BCL7C: variants seen among roughly 807,000 people sequenced by gnomAD.
BCL7C encodes the protein B-cell CLL/lymphoma 7 protein family member C.
A neutral mutation model predicts 26.2 loss-of-function variants in BCL7C; 8 were observed. The ratio of observed to expected loss-of-function variants is 0.30; its 90% CI spans 0.18 to 0.55. The LOEUF (loss-of-function observed/expected upper bound fraction) is 0.55. Ranked by LOEUF, BCL7C falls within the 20% of genes least tolerant of loss-of-function variation. The probability of loss-of-function intolerance (pLI) is 0.93; values close to 1 mark genes in which losing one functional copy is unlikely to be tolerated. For synonymous variants in BCL7C, 90 were observed against 116.5 expected (o/e 0.77, Z 1.47); for missense variants, 262 against 298.5 (o/e 0.88, Z 0.90).
chr16:30,841,850 G>T (rs1342154177), intron 5 of BCL7C, among the ~76,000 whole-genome samples: 2 of 151,478 alleles, frequency 1.3e-5, no homozygotes, highest in African/African-American at 4.9e-5. Flanking sequence ...AGCCACTCGG[G>T]AGGCTGAGGC....
At chr16:30,838,643 A>G (rs1405015298) in intron 5 of BCL7C, among the ~76,000 whole-genome samples, 1 of 152,134 alleles carries the variant, frequency 6.6e-6, no homozygotes, top group Non-Finnish European at 1.5e-5. Context: ...AAAAATTAGC[A>G]GGGATTGGTG....
chr16:30,850,222 A>G (rs1049596068), intron 5 of BCL7C, among the ~76,000 whole-genome samples: 18 of 151,848 alleles, frequency 1.2e-4, no homozygotes, highest in Non-Finnish European at 2.4e-4. Context: ...AAAAAAAAAA[A>G]AAAAAGAAAA....
At chr16:30,885,897 A>C (rs774905811), downstream of BCL7C, among the ~76,000 whole-genome samples, 9 of 152,084 alleles carry the variant, frequency 5.9e-5, no homozygotes, top group Non-Finnish European at 1.2e-4. Context: ...TGTTGCCCAG[A>C]TTTGAGCACA....
At chr16:30,886,993 C>G (rs768244125), downstream of BCL7C, among the ~76,000 whole-genome samples, 3 of 151,872 alleles carry the variant, frequency 2.0e-5, no homozygotes, top group African/African-American at 7.3e-5. Context: ...GGCAATGTAG[C>G]GAGACCCCAT....
intron 5 of BCL7C, among the ~76,000 whole-genome samples, chr16:30,879,279 C>T (rs530453469): frequency 5.3e-5 from 8 of 152,226 alleles, no homozygotes; most frequent in Admixed American, 2.6e-4. Flanking sequence ...CCACAGACTT[C>T]GCATTCTAGA....
chr16:30,836,845 G>A (rs1333412226), intron 5 of BCL7C, among the ~76,000 whole-genome samples: 4 of 151,030 alleles, frequency 2.6e-5, no homozygotes, highest in African/African-American at 9.8e-5. Flanking sequence ...CCAGGCTGGA[G>A]TGCAATGGTG....
At chr16:30,874,620 A>C (rs2054919611) in intron 5 of BCL7C, among the ~76,000 whole-genome samples, 1 of 152,122 alleles carries the variant, frequency 6.6e-6, no homozygotes, top group Non-Finnish European at 1.5e-5. Context: ...GTCTCAAAAC[A>C]AAACAAAAAC....
intron 5 of BCL7C, chr16:30,835,204 A>G: frequency 1.4e-6 from 2 of 1,384,946 alleles, no homozygotes; most frequent in Non-Finnish European, 1.9e-6. Flanking sequence ...CACCTCACTG[A>G]GTTTCCACCA....
At chr16:30,845,085 T>C (rs2054625918) in intron 5 of BCL7C, among the ~76,000 whole-genome samples, 1 of 152,160 alleles carries the variant, frequency 6.6e-6, no homozygotes, top group African/African-American at 2.4e-5. Context: ...TCCCCCAATA[T>C]GGACACCACA....
At chr16:30,888,799 G>A (rs771487951) in intron 5 of BCL7C, 61 bp downstream of exon 5, 133 of 1,534,402 alleles carry the variant, frequency 8.7e-5, no homozygotes, top group Non-Finnish European at 1.1e-4. Context: ...CCAAGCCTTC[G>A]ACTGCCCAGA....
intron 5 of BCL7C, among the ~76,000 whole-genome samples, chr16:30,856,439 TAAAA>T (rs61380254): frequency 8.6e-6 from 1 of 116,556 alleles, no homozygotes; most frequent in East Asian, 2.5e-4. Flanking sequence ...AGACTCCGTC[TAAAA>T]AAAAAAAAAA....
At chr16:30,838,612 G>A (rs1294063273) in intron 5 of BCL7C, among the ~76,000 whole-genome samples, 1 of 152,142 alleles carries the variant, frequency 6.6e-6, no homozygotes, top group Non-Finnish European at 1.5e-5. Context: ...GCGATACCCT[G>A]TCTCTACTAA....
intron 5 of BCL7C, among the ~76,000 whole-genome samples, chr16:30,866,854 G>A (rs374821684): frequency 1.6e-4 from 24 of 152,218 alleles, no homozygotes; most frequent in African/African-American, 3.9e-4. Context: ...AAGAGTTCAC[G>A]ACCAGTCTGG....
At chr16:30,879,785 C>G (rs978886673) in intron 5 of BCL7C, among the ~76,000 whole-genome samples, 3 of 148,258 alleles carry the variant, frequency 2.0e-5, no homozygotes, top group African/African-American at 7.4e-5. Flanking sequence ...GTCAGGAGAT[C>G]GAGACCATCC....
chr16:30,869,228 C>T (rs780043476), intron 5 of BCL7C, among the ~76,000 whole-genome samples: 1 of 151,898 alleles, frequency 6.6e-6, no homozygotes, highest in South Asian at 2.1e-4. Flanking sequence ...TTGTTTTTTG[C>T]GACAGGGTCT....
At chr16:30,873,827 G>C (rs539959081) in intron 5 of BCL7C, among the ~76,000 whole-genome samples, 1 of 125,062 alleles carries the variant, frequency 8.0e-6, no homozygotes, top group Non-Finnish European at 1.7e-5. Flanking sequence ...CTCCATCCTG[G>C]GCCACAGAGC....
At chr16:30,844,451 C>T (rs1049478242) in intron 5 of BCL7C, among the ~76,000 whole-genome samples, 1 of 151,754 alleles carries the variant, frequency 6.6e-6, no homozygotes, top group African/African-American at 2.4e-5. Context: ...GGAACAGCAG[C>T]TACAATTGGA....
Position 30,893,115 on chromosome 16 carries a change from C to A in BCL7C, c.171+97G>T. 7 of 1,356,832 alleles carry A rather than the reference C, an allele frequency of 5.2e-6. No homozygotes were observed. The highest frequency in any genetic ancestry group is 7.2e-6 in the Non-Finnish European group (7 of 970,350). The allele number at this position is 1,356,832 out of a possible 1,614,324, so 84.0% of individuals were successfully genotyped here. A position where few individuals can be genotyped will look rare whatever the true frequency, so the allele number is the denominator to read the frequency against. ...ATGGTTCCCGTCTGTCCTGCTGCAT[C>A]TGAGGTCTCGGGGAGCTGGAGGTAG... On this transcript the variant is annotated intron_variant, in intron 2 of 5. Coordinates refer to ENST00000215115, the MANE Select transcript of BCL7C (RefSeq NM_004765.4). The surrounding 1 kb of genome is among the most constrained non-coding windows in gnomAD (Gnocchi z 5.2).
intron 5 of BCL7C, among the ~76,000 whole-genome samples, chr16:30,843,120 C>G (rs1463844783): frequency 6.6e-5 from 10 of 152,324 alleles, no homozygotes; most frequent in Admixed American, 2.0e-4. Context: ...ATTTCTCATT[C>G]CAGACATAGC....
Sources: gnomAD v4.1 joint callset for allele counts (sites outside exome capture counted in the v4.1 genomes callset) on GRCh38, gnomAD v4.1.1 for gene constraint, Gnocchi (gnomAD v3.1) non-coding constraint, MANE v1.5 for transcripts, NCBI Gene and HGNC (gene_info 2026-07-23, HGNC 2026-07-21) for gene names.